The following FGF12 variants were observed in gnomAD, a reference collection of about 807,000 sequenced individuals.
FGF12 encodes fibroblast growth factor 12B.
In FGF12, 14 loss-of-function variants were observed where a neutral mutation model predicts 23.6. That is an observed-to-expected ratio of 0.59 (90% confidence interval 0.39 to 0.93). FGF12 has a LOEUF of 0.93. Ranked by LOEUF, FGF12 falls within the 40% of genes least tolerant of loss-of-function variation. FGF12 has a pLI of 0.00. For missense variants in FGF12, 175 were observed against 217.8 expected (o/e 0.80, Z 1.24); for synonymous variants, 62 against 77.3 (o/e 0.80, Z 1.04).
chr3:192,679,650 T>C (rs936067203), intron 2 of FGF12, among the ~76,000 whole-genome samples: 8 of 150,512 alleles, frequency 5.3e-5, no homozygotes, highest in African/African-American at 7.4e-5. Flanking sequence ...AAAAAAATCA[T>C]AGATAGACAT....
At chr3:192,315,092 A>G (rs1716158599) in intron 4 of FGF12, among the ~76,000 whole-genome samples, 1 of 152,164 alleles carries the variant, frequency 6.6e-6, no homozygotes, top group Admixed American at 6.5e-5. Context: ...AATTCTATAT[A>G]TTCCCCTAAC....
At chr3:192,674,209 G>A (rs368599999) in intron 2 of FGF12, among the ~76,000 whole-genome samples, 1 of 138,480 alleles carries the variant, frequency 7.2e-6, no homozygotes, top group South Asian at 2.2e-4. Flanking sequence ...TGGGTCAGCT[G>A]CTTTGTATCT....
chr3:192,386,006 A>T (rs1458426200), intron 2 of FGF12, among the ~76,000 whole-genome samples: 3 of 152,212 alleles, frequency 2.0e-5, no homozygotes, highest in Non-Finnish European at 4.4e-5. Flanking sequence ...AAACTATTTT[A>T]ACATGAAGGT....
intron 4 of FGF12, among the ~76,000 whole-genome samples, chr3:192,315,681 A>G (rs923991702): frequency 1.3e-5 from 2 of 152,174 alleles, no homozygotes; most frequent in Non-Finnish European, 2.9e-5. Context: ...ATGTTTTTAC[A>G]TTTTGCAGAC....
intron 2 of FGF12, among the ~76,000 whole-genome samples, chr3:192,424,135 A>AT (rs1721621280): frequency 6.6e-6 from 1 of 152,050 alleles, no homozygotes; most frequent in East Asian, 1.9e-4. Flanking sequence ...CCCAGTTAGC[A>AT]TATAAGCTAA....
chr3:192,313,159 T>C (rs1419232444), intron 4 of FGF12, among the ~76,000 whole-genome samples: 3 of 152,212 alleles, frequency 2.0e-5, no homozygotes, highest in African/African-American at 7.2e-5. Flanking sequence ...ACAGTAAATG[T>C]TTACATTTAT....
chr3:192,203,937 C>T (rs542389164), intron 4 of FGF12, among the ~76,000 whole-genome samples: 102 of 152,182 alleles, frequency 6.7e-4, no homozygotes, highest in Middle Eastern at 3.4e-3. Flanking sequence ...CAATTTTAGA[C>T]ATGTCAGGGG....
intron 2 of FGF12, among the ~76,000 whole-genome samples, chr3:192,567,275 A>C (rs192689470): frequency 1.2e-4 from 19 of 152,272 alleles, no homozygotes; most frequent in African/African-American, 4.3e-4. Flanking sequence ...TGGGGAAAAA[A>C]ATCTAAGGCT....
chr3:192,396,039 A>C (rs1037648554), intron 2 of FGF12, among the ~76,000 whole-genome samples: 1 of 152,208 alleles, frequency 6.6e-6, no homozygotes, highest in Non-Finnish European at 1.5e-5. Context: ...ATTCATATTG[A>C]TGATACAATA....
At chr3:192,455,913 T>G (rs1024202336) in intron 2 of FGF12, among the ~76,000 whole-genome samples, 12 of 152,204 alleles carry the variant, frequency 7.9e-5, no homozygotes, top group Admixed American at 6.5e-4. Flanking sequence ...GAAAACATAC[T>G]TCACACAGTT....
intron 4 of FGF12, among the ~76,000 whole-genome samples, chr3:192,319,439 A>T (rs1716412920): frequency 6.6e-6 from 1 of 152,086 alleles, no homozygotes; most frequent in Non-Finnish European, 1.5e-5. Context: ...TCTACTAAAA[A>T]TACAAAAATT....
Position 192,243,787 on chromosome 3 carries a change from A to T in FGF12, c.229-73131T>A, listed in dbSNP as rs1437893053. The stretch of plus-strand genomic sequence containing the variant: ...AATGCAAAAATTTTTGTATTACTTA[A>T]AATGCCATAAACCAATCAAAAGGTA... On this transcript the variant is annotated intron_variant, in intron 4 of 5. Coordinates refer to ENST00000445105, the MANE Select transcript of FGF12 (RefSeq NM_004113.6). 5.3e-5 allele frequency among the ~76,000 whole-genome samples: 8 copies of T among 152,240 alleles called. No individual in the cohort carries two copies. In the East Asian group the frequency reaches 5.8e-4, roughly 11 times the overall value.
chr3:192,417,086 A>G (rs1721381285), intron 2 of FGF12, among the ~76,000 whole-genome samples: 1 of 152,130 alleles, frequency 6.6e-6, no homozygotes, highest in African/African-American at 2.4e-5. Flanking sequence ...GTAGTAAGCT[A>G]GCAACAGTTT....
At chr3:192,457,687 GA>G (rs777867408) in intron 2 of FGF12, among the ~76,000 whole-genome samples, 2 of 152,310 alleles carry the variant, frequency 1.3e-5, no homozygotes, top group East Asian at 3.9e-4. Context: ...ATAAAAGTCA[GA>G]AAATTTGCAG....
intron 2 of FGF12, among the ~76,000 whole-genome samples, chr3:192,393,330 A>C (rs187982588): frequency 6.6e-6 from 1 of 152,326 alleles, no homozygotes; most frequent in African/African-American, 2.4e-5. Flanking sequence ...ATTGACTCTC[A>C]ACTCACTTGT....
chr3:192,506,699 G>T (rs540591202), intron 2 of FGF12, among the ~76,000 whole-genome samples: 5 of 152,066 alleles, frequency 3.3e-5, no homozygotes, highest in African/African-American at 9.6e-5. Flanking sequence ...AAGTGTAGGG[G>T]TGCATAACTT....
chr3:192,169,592 A>G (rs1407913496), intron 5 of FGF12, among the ~76,000 whole-genome samples: 2 of 152,134 alleles, frequency 1.3e-5, no homozygotes, highest in African/African-American at 4.8e-5. Context: ...GGGGACAGCA[A>G]GCTTGACTAA....
intron 2 of FGF12, among the ~76,000 whole-genome samples, chr3:192,537,950 C>CTTTTTTTTTTTTTT (rs370317111): frequency 6.6e-5 from 8 of 121,398 alleles, no homozygotes; most frequent in African/African-American, 8.9e-5. Context: ...AGCCTTTAAC[C>CTTTTTTTTTTTTTT]TTTTTTTTTT....
intron 5 of FGF12, among the ~76,000 whole-genome samples, chr3:192,162,348 A>T (rs1310892774): frequency 6.6e-6 from 1 of 152,154 alleles, no homozygotes. Context: ...CTATAATGAG[A>T]TAACAACTAT....
Sources: allele counts gnomAD v4.1 joint callset (sites outside exome capture counted in the v4.1 genomes callset), GRCh38; gene constraint gnomAD v4.1.1; transcripts MANE v1.5; gene names NCBI Gene and HGNC (gene_info 2026-07-23, HGNC 2026-07-21).